GPR158: variants seen among roughly 807,000 people sequenced by gnomAD.
GPR158 encodes the protein metabotropic glycine receptor.
Under a neutral mutation model 78.2 loss-of-function variants are expected in GPR158, and 30 were observed. The observed-to-expected ratio is 0.38, with a 90% CI of 0.29 to 0.52. GPR158 has a LOEUF of 0.52. Ranked by LOEUF, GPR158 falls within the 20% of genes least tolerant of loss-of-function variation. The pLI, the probability that GPR158 is intolerant of heterozygous loss-of-function variation, is 0.83. For synonymous variants in GPR158, 581 were observed against 591.1 expected, an observed-to-expected ratio of 0.98 and a Z score of 0.25; for missense variants, 1,463 against 1,523.5, an observed-to-expected ratio of 0.96 and a Z score of 0.66.
intron 5 of GPR158, among the ~76,000 whole-genome samples, chr10:25,482,453 G>C (rs938468142): frequency 6.6e-6 from 1 of 152,070 alleles, no homozygotes; most frequent in African/African-American, 2.4e-5. Context: ...AAAAAACTGA[G>C]ATTACAGGCA....
chr10:25,426,715 A>G (rs1834829119), intron 4 of GPR158, among the ~76,000 whole-genome samples: 1 of 152,162 alleles, frequency 6.6e-6, no homozygotes, highest in Non-Finnish European at 1.5e-5. Context: ...ACCAATCACC[A>G]TAACAGATAT....
intron 4 of GPR158, among the ~76,000 whole-genome samples, chr10:25,418,196 G>A (rs1588853233): frequency 6.6e-6 from 1 of 152,120 alleles, no homozygotes; most frequent in Non-Finnish European, 1.5e-5. Context: ...TCTTTCAGTT[G>A]CATGGTTCTT....
At chr10:25,311,139 C>A (rs1056687624) in intron 2 of GPR158, among the ~76,000 whole-genome samples, 1 of 151,886 alleles carries the variant, frequency 6.6e-6, no homozygotes, top group African/African-American at 2.4e-5. Context: ...CTACTAGTTT[C>A]TTTTCTTTCT....
rs1588752573 is a variant in GPR158, at chr10:25,241,194, C to CTTTCCTT, written c.1008+20041_1008+20042insCTTTTTC. On this transcript the variant is annotated intron_variant, in intron 2 of 10. Coordinates refer to ENST00000376351, the MANE Select transcript of GPR158 (RefSeq NM_020752.3). ...CTTTCTTTCTTTCTTTCTTTCCTTTCTTTCTTTCCTTTCTTTCCTTTCTTT... is the reference window on the plus strand; with the variant it reads ...CTTTCTTTCTTTCTTTCTTTCCTTTCTTTCCTTTTTCTTTCCTTTCTTTCCTTTCTTT... 3.5e-3 allele frequency among the ~76,000 whole-genome samples: 272 copies of CTTTCCTT among 78,492 alleles called. 4 individuals are homozygous for CTTTCCTT. The highest frequency in any genetic ancestry group is 0.019 in the East Asian group (39 of 2,078). The allele number at this position is 78,492 out of a possible 152,430, so 51.5% of individuals were successfully genotyped here.
chr10:25,567,276 C>T (rs754359419), intron 6 of GPR158, among the ~76,000 whole-genome samples: 19 of 152,264 alleles, frequency 1.2e-4, no homozygotes, highest in Middle Eastern at 6.8e-3. Flanking sequence ...CAGGCTAAAG[C>T]GGTCAGCCTA....
chr10:25,264,366 G>A (rs1854012592), intron 2 of GPR158, among the ~76,000 whole-genome samples: 1 of 152,186 alleles, frequency 6.6e-6, no homozygotes, highest in South Asian at 2.1e-4. Flanking sequence ...CTGCAGGGAT[G>A]CTCAAGGCAT....
intron 1 of GPR158, among the ~76,000 whole-genome samples, chr10:25,180,536 A>G (rs1852599813): frequency 6.6e-6 from 1 of 152,210 alleles, no homozygotes; most frequent in South Asian, 2.1e-4. Flanking sequence ...CCAGTGATAT[A>G]CACTTACTCT....
chr10:25,371,553 A>G (rs1051619371), intron 2 of GPR158, among the ~76,000 whole-genome samples: 2 of 148,616 alleles, frequency 1.3e-5, no homozygotes, highest in African/African-American at 2.5e-5. Flanking sequence ...ATAATGCCAC[A>G]TATCTACAAC....
Position 25,589,018 on chromosome 10 carries a change from T to C in GPR158, c.1765T>C (p.Phe589Leu), listed in dbSNP as rs1837306108. ...TGTTATTTTCACAGCTGAATTTTTA[T>C]TCCTCTTGTGGGGTGTTTATCTCTG... ...DYMTAVAEFL[F>L]LLWGVYLCYA... Residue 589 changes from phenylalanine (F) to leucine (L), a missense_variant, in exon 8 of 11, where the codon TTC (phenylalanine) becomes CTC (leucine). Phe to Leu is a conservative substitution (Grantham distance 22). Transcript: ENST00000376351. The C allele has an allele frequency of 6.4e-7, 1 of 1,557,242 alleles. No individual in the cohort carries two copies. The highest frequency in any genetic ancestry group is 8.8e-7 in the Non-Finnish European group (1 of 1,142,440).
At chr10:25,405,449 C>G (rs947215865) in intron 3 of GPR158, among the ~76,000 whole-genome samples, 1 of 126,282 alleles carries the variant, frequency 7.9e-6, no homozygotes, top group Non-Finnish European at 1.6e-5. Flanking sequence ...TGACAATATT[C>G]TGTAATTATT....
At chr10:25,386,899 A>T (rs928511610) in intron 2 of GPR158, among the ~76,000 whole-genome samples, 1 of 152,184 alleles carries the variant, frequency 6.6e-6, no homozygotes, top group Non-Finnish European at 1.5e-5. Flanking sequence ...CTCAAATTAT[A>T]TAAGATCTTG....
At chr10:25,187,023 G>A (rs903731287) in intron 1 of GPR158, among the ~76,000 whole-genome samples, 21 of 145,144 alleles carry the variant, frequency 1.4e-4, no homozygotes, top group Non-Finnish European at 3.1e-4. Context: ...GGAGTGCAGT[G>A]GGGCGATCTC....
At chr10:25,566,080 C>A (rs573994532) in intron 6 of GPR158, among the ~76,000 whole-genome samples, 52 of 152,210 alleles carry the variant, frequency 3.4e-4, no homozygotes, top group Middle Eastern at 6.8e-3. Context: ...TACTTTATAA[C>A]CCTGCAGTGG....
At chr10:25,276,722 A>G (rs1854187752) in intron 2 of GPR158, among the ~76,000 whole-genome samples, 1 of 152,166 alleles carries the variant, frequency 6.6e-6, no homozygotes. Context: ...TCTGCTGAGC[A>G]CAGAGACCAT....
chr10:25,422,118 G>T (rs1834759991), intron 4 of GPR158, among the ~76,000 whole-genome samples: 1 of 152,134 alleles, frequency 6.6e-6, no homozygotes, highest in Admixed American at 6.5e-5. Flanking sequence ...ACCGACTGTT[G>T]CTTCTATATG....
chr10:25,269,296 A>G (rs1854085344), intron 2 of GPR158, among the ~76,000 whole-genome samples: 1 of 152,224 alleles, frequency 6.6e-6, no homozygotes, highest in Admixed American at 6.5e-5. Context: ...GTTGCATATG[A>G]TAACACAGCA....
intron 2 of GPR158, among the ~76,000 whole-genome samples, chr10:25,279,367 G>A (rs1324685375): frequency 4.6e-5 from 7 of 152,038 alleles, no homozygotes; most frequent in African/African-American, 9.7e-5. Context: ...ACACTGCAGC[G>A]GGATAATTAA....
intron 7 of GPR158, among the ~76,000 whole-genome samples, chr10:25,580,426 G>A (rs1452399425): frequency 6.6e-6 from 1 of 152,154 alleles, no homozygotes; most frequent in Non-Finnish European, 1.5e-5. Flanking sequence ...ATATGCCAAT[G>A]TTTAGAAAGA....
Position 25,484,946 on chromosome 10 carries a change from T to G in GPR158, c.1404+18227T>G, listed in dbSNP as rs937704072. 4.6e-5 allele frequency among the ~76,000 whole-genome samples: 7 copies of G among 152,176 alleles called. No homozygotes were observed. In the East Asian group the frequency reaches 1.3e-3, roughly 29 times the overall value. ...ATATGTAAATGCAATTTTAAAGAATTTTAACAGTCTCTGGGAAACGTGCTC... is the reference window on the plus strand; with the variant it reads ...ATATGTAAATGCAATTTTAAAGAATGTTAACAGTCTCTGGGAAACGTGCTC... On this transcript the variant is annotated intron_variant, in intron 5 of 10. Coordinates refer to ENST00000376351, the MANE Select transcript of GPR158 (RefSeq NM_020752.3).
Sources: gnomAD v4.1 joint callset for allele counts (sites outside exome capture counted in the v4.1 genomes callset) on GRCh38, gnomAD v4.1.1 for gene constraint, MANE v1.5 for transcripts, NCBI Gene and HGNC (gene_info 2026-07-23, HGNC 2026-07-21) for gene names.